Variants in PRKN observed in about 807,000 individuals in gnomAD.
PRKN encodes the protein parkin RBR E3 ubiquitin protein ligase, also known as E3 ubiquitin-protein ligase parkin.
PRKN carries 56 observed loss-of-function variants against 59.5 expected under a neutral mutation model. The observed-to-expected ratio is 0.94, with a 90% CI of 0.76 to 1.18. The LOEUF (loss-of-function observed/expected upper bound fraction) is 1.18, where lower values mean the gene tolerates loss of function less well. Ranked by LOEUF, PRKN falls within the 50% of genes most tolerant of loss-of-function variation. PRKN has a pLI of 0.00. For synonymous variants in PRKN, 250 were observed against 222.1 expected (o/e 1.13, Z -1.12); for missense variants, 657 against 596.4 (o/e 1.10, Z -1.06).
intron 5 of PRKN, among the ~76,000 whole-genome samples, chr6:162,038,981 C>A (rs1282183080): frequency 6.6e-6 from 1 of 151,882 alleles, no homozygotes; most frequent in Non-Finnish European, 1.5e-5. Flanking sequence ...TGTGAAACCC[C>A]GTCTCTACTA....
chr6:162,276,707 CTG>C (rs34617876), intron 2 of PRKN, among the ~76,000 whole-genome samples: 220 of 143,776 alleles, frequency 1.5e-3, no homozygotes, highest in Middle Eastern at 3.7e-3. Flanking sequence ...GTGTGTGTGT[CTG>C]TGTGTGTGTG....
chr6:161,678,680 T>C (rs756440763), intron 7 of PRKN, among the ~76,000 whole-genome samples: 2 of 148,472 alleles, frequency 1.3e-5, no homozygotes, highest in African/African-American at 2.5e-5. Context: ...TTCTCCTGCC[T>C]CAACCTCCCG....
intron 5 of PRKN, among the ~76,000 whole-genome samples, chr6:161,987,000 C>T (rs570942894): frequency 3.3e-5 from 5 of 152,086 alleles, no homozygotes; most frequent in South Asian, 4.1e-4. Flanking sequence ...AAACTTTTTT[C>T]GTTCAAAAGT....
chr6:162,416,299 A>G (rs935378065), intron 2 of PRKN, among the ~76,000 whole-genome samples: 1 of 152,160 alleles, frequency 6.6e-6, no homozygotes, highest in Admixed American at 6.6e-5. Flanking sequence ...CCCCACCTCT[A>G]CCTGGTGACA....
chr6:161,808,550 C>T (rs1791430882), intron 6 of PRKN, among the ~76,000 whole-genome samples: 1 of 152,104 alleles, frequency 6.6e-6, no homozygotes, highest in Non-Finnish European at 1.5e-5. Context: ...AATAGCTCAA[C>T]TGTGACAGAT....
chr6:161,880,035 G>A (rs1440902863), intron 6 of PRKN, among the ~76,000 whole-genome samples: 1 of 152,118 alleles, frequency 6.6e-6, no homozygotes, highest in East Asian at 1.9e-4. Flanking sequence ...GATACTATGT[G>A]AAATATAAAC....
chr6:161,542,786 T>C (rs982303737), intron 9 of PRKN, among the ~76,000 whole-genome samples: 2 of 152,152 alleles, frequency 1.3e-5, no homozygotes, highest in African/African-American at 2.4e-5. Context: ...TGGGGACAGC[T>C]GGAGTGAAGG....
At chr6:162,101,943 T>C (rs563192705) in intron 4 of PRKN, among the ~76,000 whole-genome samples, 2 of 152,304 alleles carry the variant, frequency 1.3e-5, no homozygotes, top group East Asian at 3.9e-4. Flanking sequence ...GGAACTCACA[T>C]TGATACACTA....
intron 7 of PRKN, among the ~76,000 whole-genome samples, chr6:161,731,992 G>T (rs1302400307): frequency 6.6e-6 from 1 of 151,694 alleles, no homozygotes; most frequent in African/African-American, 2.4e-5. Flanking sequence ...GTGCAGGTTT[G>T]TTACACAGGT....
At chr6:161,794,775 G>A (rs533949976) in intron 6 of PRKN, among the ~76,000 whole-genome samples, 8 of 152,178 alleles carry the variant, frequency 5.3e-5, no homozygotes, top group East Asian at 3.9e-4. Flanking sequence ...CAGCTGAGGC[G>A]CAACCTCCCC....
intron 1 of PRKN, among the ~76,000 whole-genome samples, chr6:162,718,859 T>G (rs763196561): frequency 1.3e-5 from 2 of 152,220 alleles, no homozygotes; most frequent in Non-Finnish European, 2.9e-5. Flanking sequence ...TAAGATTATT[T>G]GGTGACTTCT....
At chr6:162,493,807 C>G (rs898419433) in intron 1 of PRKN, among the ~76,000 whole-genome samples, 1 of 152,164 alleles carries the variant, frequency 6.6e-6, no homozygotes, top group Non-Finnish European at 1.5e-5. Context: ...CTCAACGAAG[C>G]TAAATAAAGA....
chr6:162,280,006 T>A (rs551314667), intron 2 of PRKN, among the ~76,000 whole-genome samples: 4 of 152,190 alleles, frequency 2.6e-5, no homozygotes, highest in African/African-American at 9.7e-5. Flanking sequence ...TCCTTTTTTT[T>A]TGCATTCCAT....
chr6:162,312,478 C>T (rs1177348889), intron 2 of PRKN, among the ~76,000 whole-genome samples: 1 of 152,138 alleles, frequency 6.6e-6, no homozygotes, highest in Non-Finnish European at 1.5e-5. Context: ...TACTCCATCA[C>T]CCCAGTCACT....
chr6:162,651,647 A>T (rs1040637618), intron 1 of PRKN, among the ~76,000 whole-genome samples: 9 of 152,178 alleles, frequency 5.9e-5, no homozygotes, highest in Non-Finnish European at 1.3e-4. Context: ...TACTGTGCTC[A>T]CACTGACAAG....
chr6:161,813,820 C>G (rs1791658392), intron 6 of PRKN, among the ~76,000 whole-genome samples: 1 of 152,160 alleles, frequency 6.6e-6, no homozygotes, highest in South Asian at 2.1e-4. Context: ...CTAAGCAGGC[C>G]ACTTACTTCT....
chr6:161,590,832 C>A (rs567014451), intron 7 of PRKN, among the ~76,000 whole-genome samples: 1 of 152,108 alleles, frequency 6.6e-6, no homozygotes, highest in Admixed American at 6.5e-5. Flanking sequence ...CTGTCCTGCG[C>A]TCATAAAAAA....
intron 2 of PRKN, among the ~76,000 whole-genome samples, chr6:162,435,022 C>T (rs912910075): frequency 6.6e-6 from 1 of 152,204 alleles, no homozygotes; most frequent in African/African-American, 2.4e-5. Context: ...AGCAAAATCT[C>T]AGATAACATC....
chr6:162,033,053 T>C (rs9458435), intron 5 of PRKN, among the ~76,000 whole-genome samples: 10,011 of 152,238 alleles, frequency 0.066, 841 homozygotes, highest in African/African-American at 0.2. Context: ...TCTTGCCCAA[T>C]CTTTCTGCCT....
Sources: allele counts gnomAD v4.1 joint callset (sites outside exome capture counted in the v4.1 genomes callset), GRCh38; gene constraint gnomAD v4.1.1; transcripts MANE v1.5; gene names NCBI Gene and HGNC (gene_info 2026-07-23, HGNC 2026-07-21).